The following EHBP1 variants were observed in gnomAD, a reference collection of about 807,000 sequenced individuals.
The protein encoded by EHBP1 is EH domain binding protein 1, also known as EH domain-binding protein 1.
EHBP1 carries 55 observed loss-of-function variants against 144.0 expected under a neutral mutation model. That is an observed-to-expected ratio of 0.38 (90% CI 0.31 to 0.48). EHBP1 has a LOEUF of 0.48. Among genes scored for constraint, EHBP1 ranks in the 20% least tolerant of loss-of-function variants. The pLI is 0.98. For synonymous variants in EHBP1, 469 were observed against 472.7 expected, an observed-to-expected ratio of 0.99 and a Z score of 0.10; for missense variants, 1,200 against 1,364.2, an observed-to-expected ratio of 0.88 and a Z score of 1.90.
chr2:62,836,134 G>A (rs913441177), intron 7 of EHBP1, among the ~76,000 whole-genome samples: 2 of 152,160 alleles, frequency 1.3e-5, no homozygotes, highest in Non-Finnish European at 2.9e-5. Context: ...CCAGCACGCA[G>A]CTGGAGATCT....
At chr2:62,740,199 G>C (rs1420924174) in intron 2 of EHBP1, among the ~76,000 whole-genome samples, 2 of 151,940 alleles carry the variant, frequency 1.3e-5, no homozygotes, top group Non-Finnish European at 2.9e-5. Context: ...TTAAACAATA[G>C]AATGACACAA....
At chr2:62,924,634 T>G (rs1419032631) in intron 10 of EHBP1, among the ~76,000 whole-genome samples, 2 of 152,030 alleles carry the variant, frequency 1.3e-5, no homozygotes, top group Non-Finnish European at 2.9e-5. Context: ...TGGACACATA[T>G]CTACCAAGAT....
chr2:62,947,621 A>G (rs911411478), intron 12 of EHBP1, among the ~76,000 whole-genome samples: 3 of 152,222 alleles, frequency 2.0e-5, no homozygotes, highest in African/African-American at 7.2e-5. Context: ...AAAACTAGAA[A>G]AACCTGATGT....
intron 15 of EHBP1, among the ~76,000 whole-genome samples, chr2:62,987,591 AACTT>A (rs2059249842): frequency 6.6e-6 from 1 of 152,194 alleles, no homozygotes; most frequent in African/African-American, 2.4e-5. Context: ...TCACCAAACT[AACTT>A]TATTTTTGTG....
intron 1 of EHBP1, among the ~76,000 whole-genome samples, chr2:62,675,533 T>C (rs2033253280): frequency 6.6e-6 from 1 of 152,098 alleles, no homozygotes; most frequent in Admixed American, 6.5e-5. Flanking sequence ...CTTGAAACTT[T>C]GAGGAGAGCC....
At chr2:62,962,972 A>T (rs2058070540) in intron 14 of EHBP1, among the ~76,000 whole-genome samples, 1 of 152,356 alleles carries the variant, frequency 6.6e-6, no homozygotes, top group Non-Finnish European at 1.5e-5. Context: ...CTTTTCTCAC[A>T]TAACAGGTAG....
chr2:62,798,258 C>T (rs766056262), intron 5 of EHBP1, among the ~76,000 whole-genome samples: 10 of 151,986 alleles, frequency 6.6e-5, no homozygotes, highest in Non-Finnish European at 1.0e-4. Flanking sequence ...ATCCCAACTG[C>T]TCGGGAGGCT....
In EHBP1 at chr2:62,902,881, A is replaced by G. The variant is rs1387856128; in HGVS notation, c.1185+28349A>G. On this transcript the variant is annotated intron_variant, in intron 10 of 22. Coordinates refer to ENST00000431489, the MANE Select transcript of EHBP1 (RefSeq NM_001142616.3). ...TTATTTTAAAAGATATTAGTTTGTT[A>G]TATAGATTCTCCTTTCAGGTGATTT... is the stretch of plus-strand genomic sequence containing the variant. Among the ~76,000 whole-genome samples the G allele has an allele frequency of 2.0e-5, 3 of 152,196 alleles. No homozygotes were observed. The East Asian group carries it at 5.8e-4, about 29-fold the overall frequency.
chr2:62,909,308 G>A (rs148892186), intron 10 of EHBP1, among the ~76,000 whole-genome samples: 1,841 of 152,034 alleles, frequency 0.012, 33 homozygotes, highest in African/African-American at 0.042. Context: ...TCAGCCTCCC[G>A]AGTAGCTGGG....
At chr2:62,880,909 A>G (rs566583407) in intron 10 of EHBP1, among the ~76,000 whole-genome samples, 1 of 152,276 alleles carries the variant, frequency 6.6e-6, no homozygotes, top group African/African-American at 2.4e-5. Context: ...TACTAGGTAT[A>G]TACCAAGTAT....
At chr2:62,860,265 G>A (rs149102084) in intron 8 of EHBP1, among the ~76,000 whole-genome samples, 2,881 of 152,186 alleles carry the variant, frequency 0.019, 98 homozygotes, top group African/African-American at 0.066. Context: ...CAGGGCTGGC[G>A]GATCACCTGA....
chr2:62,771,885 A>G (rs938005499), intron 5 of EHBP1: 1 of 152,260 alleles, frequency 6.6e-6, no homozygotes, highest in Non-Finnish European at 1.5e-5. Context: ...AGGTAGGCAG[A>G]TCACCTGAGA....
intron 19 of EHBP1, among the ~76,000 whole-genome samples, chr2:63,029,614 C>T (rs776006821): frequency 3.3e-5 from 5 of 151,878 alleles, no homozygotes; most frequent in Non-Finnish European, 7.4e-5. Flanking sequence ...TTACAACAAT[C>T]GTGAAGTAAG....
intron 7 of EHBP1, among the ~76,000 whole-genome samples, chr2:62,846,194 G>T (rs1457680127): frequency 6.6e-6 from 1 of 152,080 alleles, no homozygotes; most frequent in Non-Finnish European, 1.5e-5. Flanking sequence ...CCTGACTTCT[G>T]AGGCTCTGGG....
intron 10 of EHBP1, among the ~76,000 whole-genome samples, chr2:62,932,569 G>C (rs1218243146): frequency 6.6e-6 from 1 of 152,146 alleles, no homozygotes; most frequent in African/African-American, 2.4e-5. Context: ...TTGTTTAATG[G>C]ATATAGAGTT....
At position 62,968,986 on chromosome 2, in the gene EHBP1, G is replaced by A. The variant is rs1289920660; in HGVS notation, c.2461-10202G>A. Among the ~76,000 whole-genome samples the A allele has an allele frequency of 2.6e-5, 4 of 152,230 alleles. No individual in the cohort carries two copies. The South Asian group carries it at 6.2e-4, about 24-fold the overall frequency. Reference sequence around the variant, plus strand: ...GCAAGAGGCCTTGGATGTAACACAAGGTGATACTTACTTAGTCAGCCATTC... The same window carrying A: ...GCAAGAGGCCTTGGATGTAACACAAAGTGATACTTACTTAGTCAGCCATTC... On this transcript the variant is annotated intron_variant, in intron 14 of 22. Coordinates refer to ENST00000431489, the MANE Select transcript of EHBP1 (RefSeq NM_001142616.3).
At chr2:62,723,578 G>A (rs1192208178) in intron 2 of EHBP1, among the ~76,000 whole-genome samples, 1 of 152,152 alleles carries the variant, frequency 6.6e-6, no homozygotes, top group East Asian at 1.9e-4. Context: ...AGTGTCACTG[G>A]CCTGTGTACT....
At chr2:62,708,755 G>C (rs1268116475) in intron 2 of EHBP1, among the ~76,000 whole-genome samples, 1 of 152,170 alleles carries the variant, frequency 6.6e-6, no homozygotes, top group African/African-American at 2.4e-5. Context: ...ATTCATAGTT[G>C]TTGTCCAGGA....
chr2:62,874,936 A>C (rs190235489), intron 10 of EHBP1, among the ~76,000 whole-genome samples: 5 of 152,064 alleles, frequency 3.3e-5, no homozygotes, highest in Non-Finnish European at 7.4e-5. Flanking sequence ...CCCTGTTGTC[A>C]TTGATGGGCT....
Sources: allele counts gnomAD v4.1 joint callset (sites outside exome capture counted in the v4.1 genomes callset), GRCh38; gene constraint gnomAD v4.1.1; transcripts MANE v1.5; gene names NCBI Gene and HGNC (gene_info 2026-07-23, HGNC 2026-07-21).